Variants in GRIK5 observed in about 807,000 individuals in gnomAD.
GRIK5 encodes glutamate ionotropic receptor kainate type subunit 5.
GRIK5 carries 43 observed loss-of-function variants against 97.4 expected under a neutral mutation model. The ratio of observed to expected loss-of-function variants is 0.44; its 90% CI spans 0.35 to 0.57. The LOEUF (loss-of-function observed/expected upper bound fraction) is 0.57, where lower values mean the gene tolerates loss of function less well. Among genes scored for constraint, GRIK5 ranks in the 20% least tolerant of loss-of-function variants. The pLI is 0.01. For synonymous variants in GRIK5, 580 were observed against 583.5 expected, an observed-to-expected ratio of 0.99 and a Z score of 0.09; for missense variants, 1,015 against 1,382.0, an observed-to-expected ratio of 0.73 and a Z score of 4.21.
intron 6 of GRIK5, among the ~76,000 whole-genome samples, chr19:42,057,700 C>T (rs993698364): frequency 6.6e-6 from 1 of 152,088 alleles, no homozygotes; most frequent in Non-Finnish European, 1.5e-5. Flanking sequence ...CCTACACTCT[C>T]CAAAAGCCAA....
At chr19:42,040,029 G>C (rs1453406778) in intron 12 of GRIK5, among the ~76,000 whole-genome samples, 2 of 151,446 alleles carry the variant, frequency 1.3e-5, no homozygotes, top group Admixed American at 1.3e-4. Flanking sequence ...CTATGCACCA[G>C]GCCCTGTTCT....
At chr19:42,023,670 C>G (rs150086654) in intron 12 of GRIK5, among the ~76,000 whole-genome samples, 2 of 152,196 alleles carry the variant, frequency 1.3e-5, no homozygotes, top group African/African-American at 2.4e-5. Flanking sequence ...GGCCATGCCT[C>G]GGGCCAGACA....
Position 42,006,914 on chromosome 19 carries a change from T to A in GRIK5, c.1872-104A>T, listed in dbSNP as rs782235601. The A allele has an allele frequency of 3.0e-5, 23 of 764,290 alleles. No homozygotes were observed. Among genetic ancestry groups the A allele is most frequent in the Non-Finnish European group, 4.5e-5 (22 of 486,334 alleles). 47.3% of individuals were successfully genotyped at this position (764,290 alleles called of 1,614,324 possible). A position where few individuals can be genotyped will look rare whatever the true frequency, so the allele number is the denominator to read the frequency against. ...GTGCCCCTCCCAAGTGACCCCAGCA[T>A]CTGGAAGACTCAGTGACTGCTGGGT... On this transcript the variant is annotated intron_variant, in intron 15 of 19. Transcript: ENST00000593562. The surrounding 1 kb of genome is among the most constrained non-coding windows in gnomAD (Gnocchi z 5.3).
rs782300533 is a variant in GRIK5, at chr19:42,002,897, G to C, written c.2514+435C>G. 6.6e-6 allele frequency among the ~76,000 whole-genome samples: 1 copy of C among 152,008 alleles called. No homozygotes were observed. The highest frequency in any genetic ancestry group is 1.5e-5 in the Non-Finnish European group (1 of 68,002). On this transcript the variant is annotated intron_variant, in intron 19 of 19. Transcript: ENST00000593562. The surrounding 1 kb of genome is among the most constrained non-coding windows in gnomAD (Gnocchi z 5.2). ...ATTACAGGTGTGCACCACCATGCCCGGCTAATTTTTGTATTTTTAGTAGAG... is the reference window on the plus strand; with the variant it reads ...ATTACAGGTGTGCACCACCATGCCCCGCTAATTTTTGTATTTTTAGTAGAG...
chr19:42,023,381 C>G (rs570399246), intron 12 of GRIK5, among the ~76,000 whole-genome samples: 1 of 152,240 alleles, frequency 6.6e-6, no homozygotes, highest in African/African-American at 2.4e-5. Flanking sequence ...GCTTCCATCC[C>G]CTTTGTTGTA....
intron 6 of GRIK5, 39 bp downstream of exon 6, chr19:42,059,310 G>A (rs1346714702): frequency 1.3e-6 from 2 of 1,558,056 alleles, no homozygotes; most frequent in Admixed American, 1.7e-5. Flanking sequence ...CCAAGTTTCT[G>A]GCCCCAGTCC....
intron 12 of GRIK5, among the ~76,000 whole-genome samples, chr19:42,041,613 C>T (rs1467814364): frequency 1.3e-5 from 2 of 152,122 alleles, no homozygotes; most frequent in Non-Finnish European, 2.9e-5. Flanking sequence ...TTCCACTGCA[C>T]CCTTGCCTGC....
chr19:42,064,841 C>A (rs2076307859), intron 3 of GRIK5, among the ~76,000 whole-genome samples: 1 of 152,220 alleles, frequency 6.6e-6, no homozygotes, highest in Non-Finnish European at 1.5e-5. Context: ...ATCCTGTTCA[C>A]CTTTCAGAGC....
In GRIK5 at chr19:42,042,574, A is replaced by G. The variant is rs1335098799; in HGVS notation, c.1451T>C (p.Met484Thr). 2 of 1,611,286 alleles carry G rather than the reference A, an allele frequency of 1.2e-6. No homozygotes were observed. Among genetic ancestry groups the G allele is most frequent in the Non-Finnish European group, 1.7e-6 (2 of 1,179,696 alleles). ...TACCCGGTTGATGAGCTCGCCAACC[A>G]TGCCCGTCCAGGAGCCGTTGGGCTC... ...APEPNGSWTG[M>T]VGELINRKAD... is the part of the protein sequence containing the mutation. Residue 484 changes from methionine to threonine, a missense_variant, in exon 12 of 20, where the codon ATG becomes ACG. Met to Thr is a moderately conservative substitution (Grantham distance 81, BLOSUM62 -1). Coordinates refer to ENST00000593562, the MANE Select transcript of GRIK5 (RefSeq NM_002088.5). The surrounding 1 kb of genome is among the most constrained non-coding windows in gnomAD (Gnocchi z 6.9).
intron 15 of GRIK5, among the ~76,000 whole-genome samples, chr19:42,008,176 CCTGA>C (rs1438969299): frequency 3.3e-5 from 5 of 152,066 alleles, no homozygotes; most frequent in African/African-American, 1.2e-4. Flanking sequence ...TGCCAGCACG[CCTGA>C]CTAATGTTTG....
intron 15 of GRIK5, among the ~76,000 whole-genome samples, chr19:42,013,533 C>G (rs1279431168): frequency 6.6e-6 from 1 of 151,024 alleles, no homozygotes; most frequent in Non-Finnish European, 1.5e-5. Flanking sequence ...CCTCAGCCTC[C>G]GGAGTAGCTG....
chr19:42,065,201 ACGCCCCCATGGCCC>A lies in GRIK5; in HGVS notation c.244+8_244+21del. The stretch of plus-strand genomic sequence containing the variant: ...CCACCGACCTGCCCTGCCTCACCCC[ACGCCCCCATGGCCC>A]CGCTCACTGGTGTCCGTGGTCTCGT... On this transcript the variant is annotated splice_region_variant and intron_variant, in intron 3 of 19. Transcript: ENST00000593562. This position sits in a 1 kb window ranked among gnomAD's most constrained non-coding sequence, Gnocchi z 5.8. 1 of 1,595,942 alleles carries A rather than the reference ACGCCCCCATGGCCC, an allele frequency of 6.3e-7. No homozygotes were observed. Among genetic ancestry groups the A allele is most frequent in the Non-Finnish European group, 8.6e-7 (1 of 1,168,500 alleles).
At chr19:42,032,773 A>G (rs1012344449) in intron 12 of GRIK5, among the ~76,000 whole-genome samples, 2 of 152,066 alleles carry the variant, frequency 1.3e-5, no homozygotes, top group African/African-American at 4.8e-5. Context: ...GCCAAACCCC[A>G]TAGTCACCCC....
chr19:42,016,624 T>C (rs552417857), intron 15 of GRIK5, among the ~76,000 whole-genome samples: 4 of 152,128 alleles, frequency 2.6e-5, no homozygotes, highest in African/African-American at 7.2e-5. Flanking sequence ...CAAGGTGAGT[T>C]TGGAGATGCC....
chr19:42,046,422 T>C (rs2076043821), intron 11 of GRIK5, among the ~76,000 whole-genome samples: 1 of 152,188 alleles, frequency 6.6e-6, no homozygotes, highest in African/African-American at 2.4e-5. Flanking sequence ...AAGAATCTTA[T>C]GCAGAAGCCC....
intron 15 of GRIK5, among the ~76,000 whole-genome samples, chr19:42,015,283 A>G (rs1462556361): frequency 6.6e-6 from 1 of 152,240 alleles, no homozygotes; most frequent in East Asian, 1.9e-4. Context: ...AGACTTGAAT[A>G]ACATGATCAA....
At chr19:42,064,534 C>T (rs2076302950) in intron 3 of GRIK5, among the ~76,000 whole-genome samples, 1 of 152,142 alleles carries the variant, frequency 6.6e-6, no homozygotes, top group Admixed American at 6.5e-5. Flanking sequence ...ACCCTCCATC[C>T]CAGCTTCTCC....
In GRIK5 at chr19:42,002,658, G is replaced by A. The variant is rs1411986445; in HGVS notation, c.2514+674C>T. 2.6e-5 allele frequency: 16 copies of A among 616,832 alleles called. No individual in the cohort carries two copies. The highest frequency in any genetic ancestry group is 4.4e-5 in the Non-Finnish European group (15 of 344,276). 38.2% of individuals were successfully genotyped at this position (616,832 alleles called of 1,614,324 possible). On this transcript the variant is annotated intron_variant, in intron 19 of 19. Transcript: ENST00000593562. This position sits in a 1 kb window ranked among gnomAD's most constrained non-coding sequence, Gnocchi z 5.2. ...CAGCAGTCCAGGGGTGCAAGAGCACGAATGGGTCTGGAAATGCAGGGGTGT... is the reference window on the plus strand; with the variant it reads ...CAGCAGTCCAGGGGTGCAAGAGCACAAATGGGTCTGGAAATGCAGGGGTGT...
chr19:42,056,900 G>C lies in GRIK5; in HGVS notation c.741+25C>G, dbSNP rs760337125. The stretch of plus-strand genomic sequence containing the variant: ...CTGTGATGGGAAGGAAGTGGGGGCA[G>C]AGATGGGCCAGAGGGCATACACACC... On this transcript the variant is annotated intron_variant, in intron 7 of 19. Transcript: ENST00000593562. The C allele has an allele frequency of 6.8e-6, 11 of 1,606,650 alleles. No individual in the cohort carries two copies. In the East Asian group the frequency reaches 2.5e-4, roughly 36 times the overall value.
Sources: gnomAD v4.1 joint callset for allele counts (sites outside exome capture counted in the v4.1 genomes callset) on GRCh38, gnomAD v4.1.1 for gene constraint, Gnocchi (gnomAD v3.1) non-coding constraint, MANE v1.5 for transcripts, NCBI Gene and HGNC (gene_info 2026-07-23, HGNC 2026-07-21) for gene names.